Variants in SPON1 observed in about 807,000 individuals in gnomAD.
SPON1 encodes spondin 1, also known as spondin-1.
Under a neutral mutation model 111.7 loss-of-function variants are expected in SPON1, and 52 were observed. The ratio of observed to expected loss-of-function variants is 0.47; its 90% CI spans 0.37 to 0.59. The LOEUF (loss-of-function observed/expected upper bound fraction) is 0.59. SPON1 is among the 20% of genes least tolerant of loss of function. The pLI is 0.00. For missense variants in SPON1, 957 were observed against 1,068.5 expected, an observed-to-expected ratio of 0.90 and a Z score of 1.46; for synonymous variants, 410 against 395.8, an observed-to-expected ratio of 1.04 and a Z score of -0.43.
At chr11:14,189,807 G>A (rs1249812404) in intron 6 of SPON1, among the ~76,000 whole-genome samples, 2 of 152,122 alleles carry the variant, frequency 1.3e-5, no homozygotes, top group African/African-American at 2.4e-5. Context: ...TGACTGCTTC[G>A]TGGAATCCCT....
At chr11:14,152,688 A>C (rs1373181793) in intron 6 of SPON1, among the ~76,000 whole-genome samples, 1 of 152,236 alleles carries the variant, frequency 6.6e-6, no homozygotes, top group African/African-American at 2.4e-5. Flanking sequence ...TGTAACCAAG[A>C]AACACAGGTA....
At chr11:14,249,135 C>A (rs1302428938) in intron 7 of SPON1, among the ~76,000 whole-genome samples, 1 of 152,198 alleles carries the variant, frequency 6.6e-6, no homozygotes, top group South Asian at 2.1e-4. Flanking sequence ...CTGTCACCAC[C>A]TTAAATTATT....
chr11:14,015,310 G>T (rs1191778029), intron 2 of SPON1, among the ~76,000 whole-genome samples: 1 of 152,150 alleles, frequency 6.6e-6, no homozygotes, highest in African/African-American at 2.4e-5. Flanking sequence ...GCTTCCAAAT[G>T]GTGCCTTGTT....
chr11:14,263,404 A>G (rs1302736235), intron 15 of SPON1, among the ~76,000 whole-genome samples: 3 of 151,820 alleles, frequency 2.0e-5, no homozygotes, highest in Non-Finnish European at 2.9e-5. Flanking sequence ...TGTCTTGTTC[A>G]TCATTTAGGG....
At chr11:14,110,141 C>T (rs1849216705) in intron 5 of SPON1, among the ~76,000 whole-genome samples, 1 of 152,134 alleles carries the variant, frequency 6.6e-6, no homozygotes, top group African/African-American at 2.4e-5. Context: ...AGACTAAAGC[C>T]TTCTAACACC....
rs782147644 is a variant in SPON1, at chr11:14,257,891, T to G, written c.1485T>G (p.Ser495Arg). ...DFQPCMGPGC[S>R]DEDGSTCTMS... is the part of the protein sequence containing the mutation. Reference sequence around the variant, plus strand: ...AGCCCTGCATGGGCCCTGGCTGCAGTGACGAAGGTGAGGAGACAACCCAGA... The same window carrying G: ...AGCCCTGCATGGGCCCTGGCTGCAGGGACGAAGGTGAGGAGACAACCCAGA... The change falls in exon 11 of 16, where the codon AGT (serine) becomes AGG (arginine). Residue 495 changes from serine (S) to arginine (R), a missense_variant. Ser to Arg is a moderately radical substitution (Grantham distance 110). Coordinates refer to ENST00000576479, the MANE Select transcript of SPON1 (RefSeq NM_006108.4). 1.9e-6 allele frequency: 3 copies of G among 1,546,686 alleles called. No individual in the cohort carries two copies. The highest frequency in any genetic ancestry group is 2.6e-6 in the Non-Finnish European group (3 of 1,145,690).
intron 1 of SPON1, among the ~76,000 whole-genome samples, chr11:13,978,601 G>A (rs1848120292): frequency 6.6e-6 from 1 of 152,170 alleles, no homozygotes; most frequent in Admixed American, 6.5e-5. Flanking sequence ...TTTGAGGTAA[G>A]TGCTGTTACT....
chr11:14,160,457 A>T (rs868979162), intron 6 of SPON1, among the ~76,000 whole-genome samples: 180 of 7,604 alleles, frequency 0.024, 17 homozygotes, highest in East Asian at 0.049. Flanking sequence ...ATATATATTT[A>T]TATATATATA....
intron 6 of SPON1, among the ~76,000 whole-genome samples, chr11:14,156,496 T>G (rs1227574623): frequency 6.7e-6 from 1 of 150,242 alleles, no homozygotes; most frequent in African/African-American, 2.4e-5. Context: ...CTCTTGAGTT[T>G]AATTAGATCC....
In SPON1 at chr11:14,255,723, A is replaced by G. The variant is rs1849099468; in HGVS notation, c.1169A>G (p.Tyr390Cys). The stretch of plus-strand genomic sequence containing the variant: ...CTGGACCATCCTCAGAGTCCTTTCT[A>G]TGACCCAGAGGGTGGGTCCATCACT... ...TSLDHPQSPF[Y>C]DPEGGSITQV... Residue 390 changes from tyrosine to cysteine, a missense_variant, in exon 9 of 16, where the codon TAT (tyrosine) becomes TGT (cysteine). By Grantham distance (194) the Tyr-to-Cys change is radical. Around this residue, in one of 5 missense-constraint regions of SPON1, gnomAD observed 549 missense variants for 606.2 expected, o/e 0.91. Coordinates refer to ENST00000576479, the MANE Select transcript of SPON1 (RefSeq NM_006108.4). 2 of 1,613,860 alleles carry G rather than the reference A, an allele frequency of 1.2e-6. No homozygotes were observed. The highest frequency in any genetic ancestry group is 2.2e-5 in the East Asian group (1 of 44,862).
chr11:14,005,621 C>T (rs1848353219), intron 2 of SPON1, among the ~76,000 whole-genome samples: 1 of 152,186 alleles, frequency 6.6e-6, no homozygotes, highest in Non-Finnish European at 1.5e-5. Flanking sequence ...TGCTGTGTAA[C>T]TTTAACTCTT....
At chr11:14,214,440 T>C (rs11023146) in intron 6 of SPON1, among the ~76,000 whole-genome samples, 4,852 of 152,310 alleles carry the variant, frequency 0.032, 118 homozygotes, top group Admixed American at 0.051. Flanking sequence ...CCTGCTAGCA[T>C]GGGGTTCAGA....
intron 2 of SPON1, among the ~76,000 whole-genome samples, chr11:14,024,515 C>T (rs1465787571): frequency 6.6e-6 from 1 of 152,150 alleles, no homozygotes; most frequent in Middle Eastern, 3.2e-3. Context: ...TGGCCCCTGG[C>T]TGAACTCCCC....
intron 1 of SPON1, among the ~76,000 whole-genome samples, chr11:13,974,791 C>G (rs1554908920): frequency 6.6e-6 from 1 of 152,172 alleles, no homozygotes; most frequent in African/African-American, 2.4e-5. Flanking sequence ...TCCCCCCTCC[C>G]CAGGGTGATA....
chr11:14,043,728 G>T (rs1411161038), intron 3 of SPON1, among the ~76,000 whole-genome samples: 1 of 152,154 alleles, frequency 6.6e-6, no homozygotes, highest in African/African-American at 2.4e-5. Flanking sequence ...TTGATTTATT[G>T]TTCTTACAAC....
At chr11:14,001,497 C>G (rs1231710146) in intron 2 of SPON1, among the ~76,000 whole-genome samples, 13 of 152,146 alleles carry the variant, frequency 8.5e-5, no homozygotes, top group Admixed American at 3.3e-4. Flanking sequence ...CAGGTCCAGC[C>G]CTGTCTAGCC....
intron 2 of SPON1, among the ~76,000 whole-genome samples, chr11:13,998,418 C>A (rs1554912078): frequency 6.6e-6 from 1 of 152,226 alleles, no homozygotes; most frequent in East Asian, 1.9e-4. Context: ...CACAGATCCA[C>A]CAGGTCTCTT....
intron 6 of SPON1, among the ~76,000 whole-genome samples, chr11:14,238,185 C>T (rs1848887360): frequency 6.6e-6 from 1 of 152,170 alleles, no homozygotes; most frequent in Admixed American, 6.5e-5. Flanking sequence ...GCTGTTTCCA[C>T]CTGTTTCTAT....
At position 14,090,832 on chromosome 11, in the gene SPON1, C is replaced by G. The variant is rs1378384064; in HGVS notation, c.676+10811C>G. Among the ~76,000 whole-genome samples, 18 of 14,458 alleles carry G rather than the reference C, an allele frequency of 1.2e-3. 2 individuals are homozygous for G. Among genetic ancestry groups the G allele is most frequent in the African/African-American group, 4.1e-3 (15 of 3,648 alleles). 9.5% of individuals were successfully genotyped at this position (14,458 alleles called of 152,430 possible). On this transcript the variant is annotated intron_variant, in intron 5 of 15. Coordinates refer to ENST00000576479, the MANE Select transcript of SPON1 (RefSeq NM_006108.4). ...TTTTATTCTCTTATCTGGCCCCCCC[C>G]CCCCCCCCCCCCGCCCACATCCTGC...
Sources: allele counts gnomAD v4.1 joint callset (sites outside exome capture counted in the v4.1 genomes callset), GRCh38; gene constraint gnomAD v4.1.1; regional missense constraint gnomAD v4.1.1; transcripts MANE v1.5; gene names NCBI Gene and HGNC (gene_info 2026-07-23, HGNC 2026-07-21).